SHISA6: variants seen among roughly 807,000 people sequenced by gnomAD.
The protein encoded by SHISA6 is protein shisa-6.
A neutral mutation model predicts 47.9 loss-of-function variants in SHISA6; 22 were observed. The observed-to-expected ratio is 0.46, with a 90% CI of 0.33 to 0.66. The LOEUF (loss-of-function observed/expected upper bound fraction) is 0.66, where lower values mean the gene tolerates loss of function less well. SHISA6 is among the 30% of genes least tolerant of loss of function. The probability of loss-of-function intolerance (pLI) is 0.02; values close to 1 mark genes in which losing one functional copy is unlikely to be tolerated. For missense variants in SHISA6, 680 were observed against 764.6 expected, an observed-to-expected ratio of 0.89 and a Z score of 1.30; for synonymous variants, 388 against 337.8, an observed-to-expected ratio of 1.15 and a Z score of -1.63.
At chr17:11,438,897 A>G (rs1597513691) in intron 3 of SHISA6, among the ~76,000 whole-genome samples, 2 of 152,272 alleles carry the variant, frequency 1.3e-5, no homozygotes, top group Admixed American at 6.5e-5. Context: ...ACGAAGATTC[A>G]TGTGCAGCTG....
At chr17:11,439,672 A>G (rs1915047316) in intron 3 of SHISA6, among the ~76,000 whole-genome samples, 1 of 152,152 alleles carries the variant, frequency 6.6e-6, no homozygotes, top group African/African-American at 2.4e-5. Flanking sequence ...GCAGGTAAAA[A>G]AAATTACCCT....
At chr17:11,398,242 T>C (rs1420869058) in intron 3 of SHISA6, among the ~76,000 whole-genome samples, 2 of 152,212 alleles carry the variant, frequency 1.3e-5, no homozygotes, top group African/African-American at 4.8e-5. Context: ...TTTATAGCTG[T>C]ATATACTATT....
intron 2 of SHISA6, among the ~76,000 whole-genome samples, chr17:11,350,043 A>T (rs756843070): frequency 6.6e-6 from 1 of 151,254 alleles, no homozygotes; most frequent in Non-Finnish European, 1.5e-5. Context: ...GCCATAGAAA[A>T]CCATGTTCTC....
chr17:11,344,623 A>G (rs1567579488), intron 2 of SHISA6, among the ~76,000 whole-genome samples: 1 of 152,104 alleles, frequency 6.6e-6, no homozygotes, highest in Non-Finnish European at 1.5e-5. Flanking sequence ...TCATTAATCT[A>G]TAGGTTTATC....
chr17:11,297,142 C>T (rs567452041), intron 2 of SHISA6, among the ~76,000 whole-genome samples: 45 of 152,090 alleles, frequency 3.0e-4, no homozygotes, highest in Admixed American at 5.9e-4. Flanking sequence ...GAATCAAGAA[C>T]GTACCTCTTA....
intron 2 of SHISA6, among the ~76,000 whole-genome samples, chr17:11,325,443 C>T (rs1910846193): frequency 6.6e-6 from 1 of 152,256 alleles, no homozygotes; most frequent in African/African-American, 2.4e-5. Flanking sequence ...CCTTGTCCAG[C>T]TCCATCTGGA....
intron 1 of SHISA6, among the ~76,000 whole-genome samples, chr17:11,252,270 A>G (rs1050796137): frequency 1.3e-5 from 2 of 152,092 alleles, no homozygotes; most frequent in African/African-American, 4.8e-5. Context: ...AAACACTCTC[A>G]TTATTCCTTG....
chr17:11,512,998 C>G (rs1009917550), intron 3 of SHISA6, among the ~76,000 whole-genome samples: 4 of 151,916 alleles, frequency 2.6e-5, no homozygotes, highest in Non-Finnish European at 5.9e-5. Flanking sequence ...AATGAAACGG[C>G]TGGGTGAAAT....
chr17:11,532,649 T>C (rs958075940), intron 3 of SHISA6, among the ~76,000 whole-genome samples: 1 of 151,828 alleles, frequency 6.6e-6, no homozygotes, highest in Admixed American at 6.6e-5. Flanking sequence ...GATTTTGCTA[T>C]AGTCTTGGAA....
At chr17:11,390,788 G>C (rs1282792562) in intron 3 of SHISA6, among the ~76,000 whole-genome samples, 11 of 152,064 alleles carry the variant, frequency 7.2e-5, no homozygotes, top group African/African-American at 2.7e-4. Context: ...CCAGTGACCT[G>C]TTCTAGATAG....
At chr17:11,477,936 G>T (rs1409566452) in intron 3 of SHISA6, among the ~76,000 whole-genome samples, 1 of 140,264 alleles carries the variant, frequency 7.1e-6, no homozygotes, top group Non-Finnish European at 1.5e-5. Context: ...TATATACCCA[G>T]TAATGGGATG....
intron 3 of SHISA6, among the ~76,000 whole-genome samples, chr17:11,400,192 T>A (rs1191449896): frequency 6.6e-6 from 1 of 152,150 alleles, no homozygotes; most frequent in Non-Finnish European, 1.5e-5. Flanking sequence ...AGCCCTGACC[T>A]TTTTGCTGAA....
At chr17:11,303,205 TTGTG>T (rs145384262) in intron 2 of SHISA6, among the ~76,000 whole-genome samples, 38 of 150,906 alleles carry the variant, frequency 2.5e-4, no homozygotes, top group African/African-American at 6.1e-4. Flanking sequence ...TTGTGTGGTT[TTGTG>T]TGTGTGTGTG....
At chr17:11,349,180 G>C (rs1911790982) in intron 2 of SHISA6, among the ~76,000 whole-genome samples, 1 of 152,134 alleles carries the variant, frequency 6.6e-6, no homozygotes, top group Admixed American at 6.5e-5. Flanking sequence ...AATTTGGCTG[G>C]AGTTCCCACC....
Position 11,562,492 on chromosome 17 carries a change from T to A in SHISA6, c.*4188T>A, listed in dbSNP as rs2072053964. 6.6e-6 allele frequency: 1 copy of A among 152,176 alleles called. No individual in the cohort carries two copies. The highest frequency in any genetic ancestry group is 2.1e-4 in the South Asian group (1 of 4,834). The allele number at this position is 152,176 out of a possible 1,614,324, so 9.4% of individuals were successfully genotyped here. A position where few individuals can be genotyped will look rare whatever the true frequency, so the allele number is the denominator to read the frequency against. ...TTCAGGGTTCCAATGTTATTTTTTATAAATGCAGCATTTTAATGGCAGATT... is the reference window on the plus strand; with the variant it reads ...TTCAGGGTTCCAATGTTATTTTTTAAAAATGCAGCATTTTAATGGCAGATT... On this transcript the variant is annotated 3_prime_UTR_variant, in exon 6 of 6. Transcript: ENST00000441885.
At chr17:11,250,243 C>T (rs192884662) in intron 1 of SHISA6, among the ~76,000 whole-genome samples, 2 of 152,292 alleles carry the variant, frequency 1.3e-5, no homozygotes, top group Admixed American at 1.3e-4. Context: ...GGCTCGGGGT[C>T]AGAGCCAGAG....
intron 3 of SHISA6, among the ~76,000 whole-genome samples, chr17:11,381,116 C>T (rs992624967): frequency 6.6e-6 from 1 of 152,126 alleles, no homozygotes; most frequent in Admixed American, 6.5e-5. Context: ...TACCACAAGC[C>T]TACAAACCTT....
chr17:11,474,885 A>G (rs1916017501), intron 3 of SHISA6, among the ~76,000 whole-genome samples: 1 of 152,180 alleles, frequency 6.6e-6, no homozygotes, highest in East Asian at 1.9e-4. Flanking sequence ...TCCACAAAAT[A>G]ACTTGGTGGG....
intron 3 of SHISA6, among the ~76,000 whole-genome samples, chr17:11,460,760 C>T (rs566068290): frequency 6.6e-6 from 1 of 152,310 alleles, no homozygotes; most frequent in Non-Finnish European, 1.5e-5. Flanking sequence ...GCCAAGGCGA[C>T]ATTGGGGCCT....
Sources: allele counts gnomAD v4.1 joint callset (sites outside exome capture counted in the v4.1 genomes callset), GRCh38; gene constraint gnomAD v4.1.1; transcripts MANE v1.5; gene names NCBI Gene and HGNC (gene_info 2026-07-23, HGNC 2026-07-21).